Variants in ASCC3 observed in about 807,000 individuals in gnomAD.
The protein encoded by ASCC3 is ASC-1 complex subunit P200.
Under a neutral mutation model 256.3 loss-of-function variants are expected in ASCC3, and 158 were observed. That is an observed-to-expected ratio of 0.62 (90% CI 0.54 to 0.70). ASCC3 has a LOEUF of 0.70. ASCC3 is among the 30% of genes least tolerant of loss of function. ASCC3 has a pLI of 0.00. For missense variants in ASCC3, 2,259 were observed against 2,626.0 expected (o/e 0.86, Z 3.05); for synonymous variants, 948 against 883.4 (o/e 1.07, Z -1.30).
chr6:100,724,715 C>T (rs993099054), intron 11 of ASCC3, among the ~76,000 whole-genome samples: 2 of 151,572 alleles, frequency 1.3e-5, no homozygotes, highest in Non-Finnish European at 2.9e-5. Flanking sequence ...AGTTCAAGCA[C>T]GAGGGACTCT....
chr6:100,629,252 ATC>A, intron 26 of ASCC3, 71 bp from the exon 27 acceptor site: 12 of 1,405,786 alleles, frequency 8.5e-6, no homozygotes, highest in Non-Finnish European at 1.2e-5. Context: ...GCAAAAACCT[ATC>A]TCTTTTAAAA....
intron 4 of ASCC3, among the ~76,000 whole-genome samples, chr6:100,842,755 G>C (rs1433283995): frequency 6.6e-6 from 1 of 152,118 alleles, no homozygotes; most frequent in Non-Finnish European, 1.5e-5. Context: ...AGGATCACTT[G>C]AGGCCAGGAA....
chr6:100,542,700 T>A lies in ASCC3; in HGVS notation c.5551-2313A>T, dbSNP rs1329303880. On this transcript the variant is annotated intron_variant, in intron 36 of 41. Transcript: ENST00000369162. Reference sequence around the variant, plus strand: ...CGTCAAAAAAAAAATAATAATAAAATAAAAAAAGAAAAACAACTGTCAATC... The same window carrying A: ...CGTCAAAAAAAAAATAATAATAAAAAAAAAAAAGAAAAACAACTGTCAATC... Among the ~76,000 whole-genome samples, 3 of 150,548 alleles carry A rather than the reference T, an allele frequency of 2.0e-5. No homozygotes were observed. In the South Asian group the frequency reaches 6.3e-4, roughly 32 times the overall value.
At chr6:100,700,309 A>C (rs1778293915) in intron 13 of ASCC3, among the ~76,000 whole-genome samples, 1 of 152,112 alleles carries the variant, frequency 6.6e-6, no homozygotes, top group Non-Finnish European at 1.5e-5. Flanking sequence ...GAAGTCAAGA[A>C]TTGAGGTTTG....
chr6:100,756,138 T>C (rs1002344525), intron 10 of ASCC3, among the ~76,000 whole-genome samples: 7 of 151,952 alleles, frequency 4.6e-5, no homozygotes, highest in Non-Finnish European at 7.4e-5. Flanking sequence ...TGATTTAAAA[T>C]TGGTTTGAGT....
chr6:100,509,832 G>T, intron 41 of ASCC3, 100 bp downstream of exon 41: 1 of 1,227,244 alleles, frequency 8.1e-7, no homozygotes, highest in Admixed American at 1.9e-5. Flanking sequence ...AGCTTGCAGT[G>T]AGCAGAGATC....
chr6:100,629,385 T>C (rs1011094713), intron 26 of ASCC3, among the ~76,000 whole-genome samples: 3 of 152,208 alleles, frequency 2.0e-5, no homozygotes, highest in Non-Finnish European at 2.9e-5. Flanking sequence ...AAAATGAAGG[T>C]CATATAAATT....
At chr6:100,530,283 A>T in intron 37 of ASCC3, 1 of 1,387,516 alleles carries the variant, frequency 7.2e-7, no homozygotes, top group Non-Finnish European at 1.0e-6. Context: ...AACATGAACA[A>T]GTTGAAATCA....
chr6:100,637,841 T>C (rs976373554), intron 25 of ASCC3, among the ~76,000 whole-genome samples: 1 of 152,176 alleles, frequency 6.6e-6, no homozygotes, highest in African/African-American at 2.4e-5. Flanking sequence ...CATGATTAAA[T>C]GAACAGATGA....
At chr6:100,739,810 G>T (rs1361181120) in intron 10 of ASCC3, among the ~76,000 whole-genome samples, 1 of 151,924 alleles carries the variant, frequency 6.6e-6, no homozygotes. Flanking sequence ...GATTGTGTTT[G>T]ATTCTTTTCT....
chr6:100,516,408 A>G, intron 38 of ASCC3, 81 bp from the exon 39 acceptor site: 6 of 1,521,408 alleles, frequency 3.9e-6, no homozygotes, highest in Non-Finnish European at 5.4e-6. Context: ...TTATATAATT[A>G]TAGCTTTTTT....
chr6:100,825,413 A>G (rs1771253127), intron 4 of ASCC3, among the ~76,000 whole-genome samples: 1 of 152,096 alleles, frequency 6.6e-6, no homozygotes, highest in Non-Finnish European at 1.5e-5. Context: ...TTGGTTTCTA[A>G]TGATTCTTCA....
At chr6:100,560,607 T>C (rs1366419157) in intron 36 of ASCC3, among the ~76,000 whole-genome samples, 1 of 152,088 alleles carries the variant, frequency 6.6e-6, no homozygotes, top group East Asian at 1.9e-4. Flanking sequence ...CACTCTAACC[T>C]GGCAACGTGG....
chr6:100,620,042 T>C (rs1423901616), intron 30 of ASCC3, among the ~76,000 whole-genome samples: 1 of 152,114 alleles, frequency 6.6e-6, no homozygotes, highest in African/African-American at 2.4e-5. Context: ...AGTGTATGTA[T>C]GAGTTTGAGG....
chr6:100,785,745 A>T (rs7764514), intron 8 of ASCC3, among the ~76,000 whole-genome samples: 4 of 152,102 alleles, frequency 2.6e-5, no homozygotes, highest in Non-Finnish European at 5.9e-5. Flanking sequence ...ACAATACTCA[A>T]TATGCCTGTA....
At chr6:100,855,239 G>A (rs1050736347) in intron 3 of ASCC3, among the ~76,000 whole-genome samples, 3 of 151,680 alleles carry the variant, frequency 2.0e-5, no homozygotes, top group Admixed American at 6.6e-5. Flanking sequence ...TCAGCCTCCC[G>A]AGTAGCTGGG....
chr6:100,822,184 C>A (rs1445513198), intron 4 of ASCC3, among the ~76,000 whole-genome samples: 1 of 152,114 alleles, frequency 6.6e-6, no homozygotes, highest in Non-Finnish European at 1.5e-5. Context: ...AACTATGAAT[C>A]AATTAAGCTA....
chr6:100,577,243 G>C (rs1240198267), intron 36 of ASCC3, among the ~76,000 whole-genome samples: 1 of 151,674 alleles, frequency 6.6e-6, no homozygotes, highest in Non-Finnish European at 1.5e-5. Flanking sequence ...ATCTCTTTTT[G>C]AATCTATAAA....
intron 36 of ASCC3, among the ~76,000 whole-genome samples, chr6:100,580,523 T>G (rs1582486717): frequency 6.6e-6 from 1 of 152,010 alleles, no homozygotes; most frequent in Non-Finnish European, 1.5e-5. Context: ...TTATTGTTTT[T>G]GTGCCTACAA....
Sources: allele counts gnomAD v4.1 joint callset (sites outside exome capture counted in the v4.1 genomes callset), GRCh38; gene constraint gnomAD v4.1.1; transcripts MANE v1.5; gene names NCBI Gene and HGNC (gene_info 2026-07-23, HGNC 2026-07-21).